Variants in SV2B observed in about 807,000 individuals in gnomAD.
SV2B encodes synaptic vesicle glycoprotein 2B.
Under a neutral mutation model 73.9 loss-of-function variants are expected in SV2B, and 41 were observed. That is an observed-to-expected ratio of 0.56 (90% CI 0.43 to 0.72). The LOEUF is 0.72. SV2B is among the 30% of genes least tolerant of loss of function. SV2B has a pLI of 0.00. For synonymous variants in SV2B, 314 were observed against 314.2 expected (o/e 1.00, Z 0.01); for missense variants, 764 against 857.8 (o/e 0.89, Z 1.37).
intron 2 of SV2B, among the ~76,000 whole-genome samples, chr15:91,247,383 C>G (rs1377029866): frequency 6.6e-6 from 1 of 152,108 alleles, no homozygotes; most frequent in Non-Finnish European, 1.5e-5. Context: ...AGTCAGGAGA[C>G]AAATCATACC....
chr15:91,258,474 G>T lies in SV2B; in HGVS notation c.838G>T (p.Val280Phe), dbSNP rs1477549127. 1.2e-6 allele frequency: 2 copies of T among 1,614,002 alleles called. No homozygotes were observed. Among genetic ancestry groups the T allele is most frequent in the East Asian group, 2.2e-5 (1 of 44,890 alleles). The part of the protein sequence containing the change: ...NYHFHSWRVF[V>F]IVCALPCTVS... ...CCACTTCCATAGCTGGAGAGTGTTT[G>T]TCATCGTCTGTGCTCTGCCCTGCAC... is the stretch of plus-strand genomic sequence containing the variant. The change falls in exon 5 of 13, where the codon GTC becomes TTC. Residue 280 changes from valine to phenylalanine, a missense_variant. Physicochemically the swap from Val to Phe is conservative, Grantham distance 50. Transcript: ENST00000394232. This position sits in a 1 kb window ranked among gnomAD's most constrained non-coding sequence, Gnocchi z 4.7.
rs74038054 is a variant in SV2B, at chr15:91,109,147, G to A, written c.-392+8784G>A. On this transcript the variant is annotated intron_variant, in intron 1 of 12. Transcript: ENST00000394232. ...ATTTTACAGATGAGATATCTGAGGCGCAGAGAAAAGAAATGACAGACAAAA... is the reference window on the plus strand; with the variant it reads ...ATTTTACAGATGAGATATCTGAGGCACAGAGAAAAGAAATGACAGACAAAA... Among the ~76,000 whole-genome samples, 1,319 of 152,328 alleles carry A rather than the reference G, an allele frequency of 8.7e-3. 16 individuals carry two copies. Among genetic ancestry groups the A allele is most frequent in the African/African-American group, 0.027 (1,122 of 41,560 alleles).
chr15:91,298,595 T>C lies in SV2B; in HGVS notation c.*6043T>C, dbSNP rs2049330925. On this transcript the variant is annotated 3_prime_UTR_variant, in exon 13 of 13. Transcript: ENST00000394232. This position sits in a 1 kb window ranked among gnomAD's most constrained non-coding sequence, Gnocchi z 5.4. ...AGAGATTTATTTAGCAGGACCATAC[T>C]ATGCCCCCTGGAAGGTTCAGTTTAT... 1 of 152,242 alleles carries C rather than the reference T, an allele frequency of 6.6e-6. No individual in the cohort carries two copies. Among genetic ancestry groups the C allele is most frequent in the Admixed American group, 6.5e-5 (1 of 15,280 alleles). 9.4% of individuals were successfully genotyped at this position (152,242 alleles called of 1,614,324 possible). A position where few individuals can be genotyped will look rare whatever the true frequency, so the allele number is the denominator to read the frequency against.
At chr15:91,191,063 C>CTTTTTTTTTTTTCTTT (rs2044997332) in intron 1 of SV2B, among the ~76,000 whole-genome samples, 1 of 64,238 alleles carries the variant, frequency 1.6e-5, no homozygotes, top group East Asian at 7.8e-4. Flanking sequence ...TTTGGTGTTT[C>CTTTTTTTTTTTTCTTT]TTTTTTTTTT....
intron 1 of SV2B, among the ~76,000 whole-genome samples, chr15:91,179,985 T>G (rs2044483223): frequency 6.6e-6 from 1 of 151,748 alleles, no homozygotes; most frequent in East Asian, 2.0e-4. Flanking sequence ...TTCTTCCTAG[T>G]CTCGATGGTC....
chr15:91,164,911 T>G (rs1337543125), intron 1 of SV2B, among the ~76,000 whole-genome samples: 2 of 152,240 alleles, frequency 1.3e-5, no homozygotes, highest in African/African-American at 2.4e-5. Context: ...AGGGGACTTG[T>G]ACTTTTCCTT....
Position 91,267,515 on chromosome 15 carries a change from A to G in SV2B, c.1120-40A>G, listed in dbSNP as rs370567780. 1.0e-4 allele frequency: 156 copies of G among 1,550,282 alleles called. 1 individual carries two copies. In the African/African-American group the frequency reaches 1.8e-3, roughly 18 times the overall value. ...CTTCGTGGGAGAAACAAAGTCACACATTGCTTTCTTTAACAATCCTTCTCT... is the reference window on the plus strand; with the variant it reads ...CTTCGTGGGAGAAACAAAGTCACACGTTGCTTTCTTTAACAATCCTTCTCT... On this transcript the variant is annotated intron_variant, in intron 7 of 12. Coordinates refer to ENST00000394232, the MANE Select transcript of SV2B (RefSeq NM_001323032.3). This position sits in a 1 kb window ranked among gnomAD's most constrained non-coding sequence, Gnocchi z 4.3.
intron 1 of SV2B, among the ~76,000 whole-genome samples, chr15:91,218,710 A>G (rs1467767733): frequency 6.6e-6 from 1 of 152,132 alleles, no homozygotes; most frequent in Non-Finnish European, 1.5e-5. Context: ...CCTTCTAAGC[A>G]TGGGATGTCT....
At chr15:91,277,081 C>T (rs2048519638) in intron 9 of SV2B, among the ~76,000 whole-genome samples, 1 of 152,116 alleles carries the variant, frequency 6.6e-6, no homozygotes, top group Non-Finnish European at 1.5e-5. Flanking sequence ...CTTGGCCTCC[C>T]AACTGAGTAT....
chr15:91,161,317 A>C (rs140709084), intron 1 of SV2B, among the ~76,000 whole-genome samples: 1,860 of 152,314 alleles, frequency 0.012, 38 homozygotes, highest in African/African-American at 0.043. Context: ...TACCTTAATC[A>C]ACTATTAAAA....
intron 2 of SV2B, among the ~76,000 whole-genome samples, chr15:91,249,697 C>A (rs1238712865): frequency 6.6e-6 from 1 of 152,004 alleles, no homozygotes; most frequent in Non-Finnish European, 1.5e-5. Flanking sequence ...CAACTGATAC[C>A]ACAGAAATAT....
intron 1 of SV2B, among the ~76,000 whole-genome samples, chr15:91,127,265 G>C (rs1025683585): frequency 6.6e-6 from 1 of 152,188 alleles, no homozygotes; most frequent in Non-Finnish European, 1.5e-5. Flanking sequence ...TCAGAGAAAA[G>C]AGAAGGGTGT....
chr15:91,182,145 G>A (rs1294847197), intron 1 of SV2B, among the ~76,000 whole-genome samples: 1 of 152,122 alleles, frequency 6.6e-6, no homozygotes, highest in Admixed American at 6.5e-5. Context: ...ATGCAAGTAG[G>A]AGAGACAAGG....
chr15:91,157,525 A>G (rs978933886), intron 1 of SV2B, among the ~76,000 whole-genome samples: 2 of 152,244 alleles, frequency 1.3e-5, no homozygotes, highest in African/African-American at 2.4e-5. Flanking sequence ...ATAAAAAATA[A>G]TGAAACAAAT....
In SV2B at chr15:91,244,822, T is replaced by C. The variant is rs545960091; in HGVS notation, c.452-6997T>C. Among the ~76,000 whole-genome samples the C allele has an allele frequency of 2.6e-5, 4 of 152,312 alleles. No homozygotes were observed. The South Asian group carries it at 6.2e-4, about 24-fold the overall frequency. On this transcript the variant is annotated intron_variant, in intron 2 of 12. Transcript: ENST00000394232. The stretch of plus-strand genomic sequence containing the variant: ...TGACAGGAATTACTTTTTAGAGATG[T>C]TATTATAGATGCAATGGAAATGGTT...
In SV2B at chr15:91,289,405, C is replaced by T. The variant is rs1174152692; in HGVS notation, c.1709-116C>T. ...TGGAGGGTGAACCTAATACTTCAGG[C>T]AGCCTTGGCTTCAGGTGTACCAGTG... On this transcript the variant is annotated intron_variant, in intron 11 of 12. Coordinates refer to ENST00000394232, the MANE Select transcript of SV2B (RefSeq NM_001323032.3). The surrounding 1 kb of genome is among the most constrained non-coding windows in gnomAD (Gnocchi z 4.9). 6 of 1,314,978 alleles carry T rather than the reference C, an allele frequency of 4.6e-6. No homozygotes were observed. Among genetic ancestry groups the T allele is most frequent in the Non-Finnish European group, 6.5e-6 (6 of 917,650 alleles). 81.5% of individuals were successfully genotyped at this position (1,314,978 alleles called of 1,614,324 possible).
At chr15:91,174,063 T>C (rs909123002) in intron 1 of SV2B, among the ~76,000 whole-genome samples, 1 of 152,244 alleles carries the variant, frequency 6.6e-6, no homozygotes, top group African/African-American at 2.4e-5. Flanking sequence ...ACTGATTGCA[T>C]GGGCCTTCTG....
At position 91,293,544 on chromosome 15, in the gene SV2B, C is replaced by G. The variant is rs988416780; in HGVS notation, c.*992C>G. On this transcript the variant is annotated 3_prime_UTR_variant, in exon 13 of 13. Coordinates refer to ENST00000394232, the MANE Select transcript of SV2B (RefSeq NM_001323032.3). ...GACTTGTGAAACTCAAGCTCACCAT[C>G]TTCAGTGCTGGCATTTTACTTTGCC... 6.6e-6 allele frequency: 1 copy of G among 152,248 alleles called. No individual in the cohort carries two copies. Among genetic ancestry groups the G allele is most frequent in the African/African-American group, 2.4e-5 (1 of 41,472 alleles). The allele number at this position is 152,248 out of a possible 1,614,324, so 9.4% of individuals were successfully genotyped here.
At chr15:91,255,991 T>A (rs2047674689) in intron 4 of SV2B, among the ~76,000 whole-genome samples, 1 of 152,172 alleles carries the variant, frequency 6.6e-6, no homozygotes. Flanking sequence ...TTTGCAAGAA[T>A]GAAGTAAAGG....
Sources: allele counts gnomAD v4.1 joint callset (sites outside exome capture counted in the v4.1 genomes callset), GRCh38; gene constraint gnomAD v4.1.1; non-coding constraint Gnocchi (gnomAD v3.1); transcripts MANE v1.5; gene names NCBI Gene and HGNC (gene_info 2026-07-23, HGNC 2026-07-21).